EHBP1: variants seen among roughly 807,000 people sequenced by gnomAD.
The protein encoded by EHBP1 is EH domain binding protein 1.
In EHBP1, 55 loss-of-function variants were observed where a neutral mutation model predicts 144.0. The ratio of observed to expected loss-of-function variants is 0.38; its 90% CI spans 0.31 to 0.48. EHBP1 has a LOEUF of 0.48. EHBP1 is among the 20% of genes least tolerant of loss of function. The pLI, the probability that EHBP1 is intolerant of heterozygous loss-of-function variation, is 0.98. For missense variants in EHBP1, 1,200 were observed against 1,364.2 expected (o/e 0.88, Z 1.90); for synonymous variants, 469 against 472.7 (o/e 0.99, Z 0.10).
chr2:62,700,666 A>G (rs2034254725), intron 1 of EHBP1, among the ~76,000 whole-genome samples: 1 of 152,172 alleles, frequency 6.6e-6, no homozygotes, highest in Admixed American at 6.6e-5. Flanking sequence ...GTAAGTTTGC[A>G]CTGTCCATTA....
intron 5 of EHBP1, among the ~76,000 whole-genome samples, chr2:62,804,285 G>GA (rs1268967918): frequency 1.3e-5 from 2 of 151,694 alleles, no homozygotes; most frequent in African/African-American, 4.8e-5. Context: ...TGGAAGCAGA[G>GA]AAAAAAAACC....
At chr2:62,692,737 A>AT (rs36065835) in intron 1 of EHBP1, among the ~76,000 whole-genome samples, 23 of 151,212 alleles carry the variant, frequency 1.5e-4, no homozygotes, top group Non-Finnish European at 2.7e-4. Flanking sequence ...TTGTATTATA[A>AT]TTTTTTTTTA....
At chr2:62,866,293 A>T (rs1430020384) in intron 9 of EHBP1, among the ~76,000 whole-genome samples, 1 of 152,218 alleles carries the variant, frequency 6.6e-6, no homozygotes, top group Non-Finnish European at 1.5e-5. Flanking sequence ...AAACAGTTTT[A>T]ATCAATACCA....
chr2:62,939,185 A>AAT (rs2056582705), intron 10 of EHBP1, among the ~76,000 whole-genome samples: 1 of 152,224 alleles, frequency 6.6e-6, no homozygotes, highest in Non-Finnish European at 1.5e-5. Flanking sequence ...GGACTCTAAG[A>AAT]AGATGATAAG....
chr2:62,862,372 G>A (rs906540368), intron 8 of EHBP1, among the ~76,000 whole-genome samples: 1 of 152,164 alleles, frequency 6.6e-6, no homozygotes, highest in Non-Finnish European at 1.5e-5. Flanking sequence ...CCTTTGGGAG[G>A]CTGAGGCGGG....
intron 19 of EHBP1, among the ~76,000 whole-genome samples, chr2:63,005,988 A>G (rs1466954192): frequency 1.3e-5 from 2 of 152,124 alleles, no homozygotes; most frequent in African/African-American, 4.8e-5. Context: ...GAGTAGGGGT[A>G]TAAGAGAATA....
intron 10 of EHBP1, among the ~76,000 whole-genome samples, chr2:62,913,424 T>C (rs1574029015): frequency 6.6e-6 from 1 of 152,264 alleles, no homozygotes; most frequent in Non-Finnish European, 1.5e-5. Context: ...AAGTATAAAT[T>C]AGAGACCACA....
intron 5 of EHBP1, among the ~76,000 whole-genome samples, chr2:62,824,232 A>G (rs72807586): frequency 0.12 from 17,817 of 151,984 alleles, 1,346 homozygotes; most frequent in Non-Finnish European, 0.16. Flanking sequence ...TAGCTTATTC[A>G]GTTATAAAAT....
intron 2 of EHBP1, among the ~76,000 whole-genome samples, chr2:62,732,209 A>AT (rs1335722511): frequency 1.3e-5 from 2 of 151,980 alleles, no homozygotes; most frequent in Non-Finnish European, 2.9e-5. Context: ...CTACATGTAG[A>AT]TTTTTTTGTA....
chr2:62,717,999 G>A (rs1224903793), intron 2 of EHBP1, among the ~76,000 whole-genome samples: 1 of 152,032 alleles, frequency 6.6e-6, no homozygotes, highest in African/African-American at 2.4e-5. Context: ...TAGTCCTCCT[G>A]GCTAAAGAAA....
intron 10 of EHBP1, among the ~76,000 whole-genome samples, chr2:62,920,835 G>T (rs1010073092): frequency 4.0e-5 from 6 of 151,762 alleles, no homozygotes; most frequent in Non-Finnish European, 7.4e-5. Flanking sequence ...GCTAATTTTT[G>T]TGGGGTTTTT....
intron 19 of EHBP1, among the ~76,000 whole-genome samples, chr2:63,020,323 CAAA>C (rs1001418542): frequency 6.6e-5 from 3 of 45,282 alleles, no homozygotes; most frequent in Admixed American, 2.5e-4. Flanking sequence ...GACTCTGTCT[CAAA>C]AAAAAAAAAA....
chr2:63,034,040 A>T (rs1215854372), intron 19 of EHBP1, among the ~76,000 whole-genome samples: 3 of 152,128 alleles, frequency 2.0e-5, no homozygotes, highest in African/African-American at 7.2e-5. Flanking sequence ...GGATTGTGAT[A>T]TCGAAATAGA....
intron 5 of EHBP1, among the ~76,000 whole-genome samples, chr2:62,811,961 G>A (rs924863534): frequency 1.3e-5 from 2 of 152,146 alleles, no homozygotes; most frequent in Non-Finnish European, 2.9e-5. Context: ...GTGTTGAGAG[G>A]TGGGACCTTT....
chr2:62,748,472 A>G (rs911054891), intron 3 of EHBP1, among the ~76,000 whole-genome samples: 1 of 152,058 alleles, frequency 6.6e-6, no homozygotes, highest in Non-Finnish European at 1.5e-5. Flanking sequence ...TGGGAAACAT[A>G]GTGAGACCCC....
intron 2 of EHBP1, among the ~76,000 whole-genome samples, chr2:62,714,017 C>G (rs955604875): frequency 1.1e-4 from 16 of 152,116 alleles, no homozygotes; most frequent in African/African-American, 3.9e-4. Context: ...CTACACATGA[C>G]TCAAAATATG....
intron 1 of EHBP1, among the ~76,000 whole-genome samples, chr2:62,678,634 T>G (rs2033400776): frequency 6.6e-6 from 1 of 152,146 alleles, no homozygotes; most frequent in South Asian, 2.1e-4. Flanking sequence ...CTCATTTTTT[T>G]TCAGGATCTG....
intron 1 of EHBP1, among the ~76,000 whole-genome samples, chr2:62,681,340 G>GTGTGTGTATATATATATATATATATATA (rs1171760462): frequency 1.7e-5 from 1 of 58,554 alleles, no homozygotes; most frequent in African/African-American, 8.6e-5. Context: ...ATGTGTGTGT[G>GTGTGTGTATATATATATATATATATATA]TATATATATA....
rs766737386 is a variant in EHBP1, at chr2:62,948,994, T to G, written c.2148T>G (p.Ser716=). 13 of 1,613,712 alleles carry G rather than the reference T, an allele frequency of 8.1e-6. No homozygotes were observed. The highest frequency in any genetic ancestry group is 8.5e-6 in the Non-Finnish European group (10 of 1,179,942). Residue 716 remains serine, a synonymous_variant, in exon 13 of 23, where the codon TCT becomes TCG. Transcript: ENST00000431489. ...TAGAATGCAGATCAGATCCAGAATC[T>G]CCTATCAAAAAAACAAGTTTATCTC... ...RSLECRSDPE[S]PIKKTSLSPT...
Sources: allele counts gnomAD v4.1 joint callset (sites outside exome capture counted in the v4.1 genomes callset), GRCh38; gene constraint gnomAD v4.1.1; transcripts MANE v1.5; gene names NCBI Gene and HGNC (gene_info 2026-07-23, HGNC 2026-07-21).